The following ADAM7 variants were observed in gnomAD, a reference collection of about 807,000 sequenced individuals.
ADAM7 encodes the protein disintegrin and metalloproteinase domain-containing protein 7.
A neutral mutation model predicts 102.9 loss-of-function variants in ADAM7; 97 were observed. That is an observed-to-expected ratio of 0.94 (90% confidence interval 0.80 to 1.12). ADAM7 has a LOEUF of 1.12. ADAM7 is among the 50% of genes most tolerant of loss of function. The pLI is 0.00. For synonymous variants in ADAM7, 334 were observed against 304.4 expected, an observed-to-expected ratio of 1.10 and a Z score of -1.01; for missense variants, 991 against 908.7, an observed-to-expected ratio of 1.09 and a Z score of -1.16.
chr8:24,472,303 AT>A (rs968362915), intron 7 of ADAM7, among the ~76,000 whole-genome samples: 5 of 151,940 alleles, frequency 3.3e-5, no homozygotes, highest in African/African-American at 1.2e-4. Context: ...AAGAATATGT[AT>A]TTTTTTCATG....
intron 3 of ADAM7, among the ~76,000 whole-genome samples, chr8:24,455,699 C>T (rs751996750): frequency 6.6e-5 from 10 of 152,210 alleles, no homozygotes; most frequent in Non-Finnish European, 1.0e-4. Flanking sequence ...CACCACTGCA[C>T]CCAGCCTAAT....
In ADAM7 at chr8:24,476,489, C is replaced by T. The variant is rs763376612; in HGVS notation, c.690C>T (p.Val230=). The change falls in exon 8 of 22, where the codon GTC becomes GTT. Residue 230 remains valine, a synonymous_variant. Coordinates refer to ENST00000175238, the MANE Select transcript of ADAM7 (RefSeq NM_003817.4). The part of the protein sequence containing the change: ...NKLRNRIWGM[V]NFVNMIYKTL... ...TAAGGAACCGAATTTGGGGAATGGT[C>T]AATTTTGTCAACATGGTAAGATTTG... The T allele has an allele frequency of 7.5e-6, 12 of 1,607,718 alleles. No homozygotes were observed. Among genetic ancestry groups the T allele is most frequent in the African/African-American group, 1.3e-5 (1 of 74,760 alleles).
At chr8:24,482,863 A>T (rs1393050754) in intron 9 of ADAM7, among the ~76,000 whole-genome samples, 1 of 152,226 alleles carries the variant, frequency 6.6e-6, no homozygotes, top group African/African-American at 2.4e-5. Flanking sequence ...AGACTTAAAA[A>T]TGCCATTAGG....
intron 2 of ADAM7, among the ~76,000 whole-genome samples, chr8:24,443,722 G>A (rs1818452942): frequency 6.6e-6 from 1 of 152,104 alleles, no homozygotes; most frequent in African/African-American, 2.4e-5. Context: ...CAGATCACGT[G>A]AGGCCAGGAG....
intron 16 of ADAM7, 147 bp from the exon 17 acceptor site, chr8:24,499,089 A>T: frequency 1.6e-6 from 1 of 611,276 alleles, no homozygotes; most frequent in Non-Finnish European, 2.7e-6. Context: ...AGGAAAAATT[A>T]CATAACTTAT....
chr8:24,505,811 A>G (rs1455330193), intron 20 of ADAM7, among the ~76,000 whole-genome samples: 2 of 152,166 alleles, frequency 1.3e-5, no homozygotes, highest in Non-Finnish European at 2.9e-5. Flanking sequence ...AGTTTCTCAA[A>G]GACATTCAAG....
intron 1 of ADAM7, 42 bp from the exon 2 acceptor site, chr8:24,442,431 G>A: frequency 1.5e-6 from 2 of 1,366,386 alleles, no homozygotes; most frequent in Non-Finnish European, 2.1e-6. Context: ...GTAGACGAAT[G>A]TTAATGTCAG....
intron 12 of ADAM7, among the ~76,000 whole-genome samples, 156 bp downstream of exon 12, chr8:24,489,489 A>G (rs1820263992): frequency 6.6e-6 from 1 of 152,180 alleles, no homozygotes; most frequent in African/African-American, 2.4e-5. Flanking sequence ...AAAACAAATT[A>G]TTGGTGCAGC....
intron 3 of ADAM7, among the ~76,000 whole-genome samples, chr8:24,454,650 C>T (rs867003738): frequency 8.5e-5 from 13 of 152,244 alleles, no homozygotes; most frequent in South Asian, 6.2e-4. Flanking sequence ...GTGCACGGTG[C>T]GCTGCACCCA....
At chr8:24,449,385 G>A (rs1340016581) in intron 3 of ADAM7, among the ~76,000 whole-genome samples, 1 of 152,176 alleles carries the variant, frequency 6.6e-6, no homozygotes, top group Non-Finnish European at 1.5e-5. Context: ...GTTTTGATTT[G>A]CATTTCTCTG....
intron 20 of ADAM7, chr8:24,506,156 G>T (rs1366582237): frequency 6.5e-7 from 1 of 1,548,348 alleles, no homozygotes; most frequent in Non-Finnish European, 8.7e-7. Context: ...ACATCACACT[G>T]GTACGTTCCC....
chr8:24,458,052 A>G (rs1425612200), intron 3 of ADAM7, among the ~76,000 whole-genome samples: 1 of 152,112 alleles, frequency 6.6e-6, no homozygotes, highest in African/African-American at 2.4e-5. Context: ...TTATTCATCT[A>G]TTTACAGTCT....
In ADAM7 at chr8:24,508,531, T is replaced by C. The variant is rs759029163; in HGVS notation, c.*-15T>C. On this transcript the variant is annotated splice_polypyrimidine_tract_variant and intron_variant, in intron 21 of 21. Transcript: ENST00000175238. Reference sequence around the variant, plus strand: ...ATAGGAAACAATCTATTTTTAACCATCTGTTTCTATTTAGAGCTTGAAGTT... The same window carrying C: ...ATAGGAAACAATCTATTTTTAACCACCTGTTTCTATTTAGAGCTTGAAGTT... 1 of 1,612,930 alleles carries C rather than the reference T, an allele frequency of 6.2e-7. No homozygotes were observed. The highest frequency in any genetic ancestry group is 8.5e-7 in the Non-Finnish European group (1 of 1,179,132).
chr8:24,471,056 G>T (rs1364651095), intron 7 of ADAM7, among the ~76,000 whole-genome samples: 1 of 151,934 alleles, frequency 6.6e-6, no homozygotes, highest in African/African-American at 2.4e-5. Context: ...AGGCTAATGT[G>T]TGTGGTTTTT....
intron 8 of ADAM7, among the ~76,000 whole-genome samples, chr8:24,479,544 C>T (rs917180743): frequency 6.6e-6 from 1 of 151,972 alleles, no homozygotes. Flanking sequence ...TTCTTCAGGC[C>T]CACTCCACTG....
intron 1 of ADAM7, among the ~76,000 whole-genome samples, chr8:24,442,009 A>G (rs1818389892): frequency 6.6e-6 from 1 of 152,094 alleles, no homozygotes; most frequent in Non-Finnish European, 1.5e-5. Flanking sequence ...CCCCGTCTCT[A>G]CTAAAAATAC....
In ADAM7 at chr8:24,482,170, C is replaced by T. The variant is rs781236804; in HGVS notation, c.734C>T (p.Thr245Met). ...MIYKTLNIHV[T>M]LVGIEIWTHE... The stretch of plus-strand genomic sequence containing the variant: ...TATAAAACCTTAAACATCCATGTGA[C>T]GTTGGTTGGCATTGAAATATGGACA... The change falls in exon 9 of 22, where the codon ACG (threonine) becomes ATG (methionine). Residue 245 changes from threonine to methionine, a missense_variant. Transcript: ENST00000175238. 1.7e-5 allele frequency: 27 copies of T among 1,592,392 alleles called. No homozygotes were observed. In the African/African-American group the frequency reaches 1.8e-4, roughly 10 times the overall value.
intron 9 of ADAM7, among the ~76,000 whole-genome samples, chr8:24,484,300 T>A (rs1820060140): frequency 6.6e-6 from 1 of 152,236 alleles, no homozygotes. Flanking sequence ...GGTCATCTAA[T>A]CTGACCACCT....
rs1563401925 is a variant in ADAM7 at position 24,509,056 on chromosome 8, T to C, written c.*510T>C. ...GCAGAGCGGCACGGATTCTAGGTAA[T>C]TAAAAGTGAAAGAGGCAGAAGAATA... On this transcript the variant is annotated 3_prime_UTR_variant, in exon 22 of 22. Coordinates refer to ENST00000175238, the MANE Select transcript of ADAM7 (RefSeq NM_003817.4). 4.1e-6 allele frequency: 4 copies of C among 986,388 alleles called. No individual in the cohort carries two copies. The highest frequency in any genetic ancestry group is 4.8e-6 in the Non-Finnish European group (4 of 830,812). The allele number at this position is 986,388 out of a possible 1,614,324, so 61.1% of individuals were successfully genotyped here.
Sources: allele counts gnomAD v4.1 joint callset (sites outside exome capture counted in the v4.1 genomes callset), GRCh38; gene constraint gnomAD v4.1.1; transcripts MANE v1.5; gene names NCBI Gene and HGNC (gene_info 2026-07-23, HGNC 2026-07-21).